The following MSI1 variants were observed in gnomAD, a reference collection of about 807,000 sequenced individuals.
MSI1 encodes the protein musashi RNA binding protein 1, also known as RNA-binding protein Musashi homolog 1.
MSI1 carries 15 observed loss-of-function variants against 54.4 expected under a neutral mutation model. The ratio of observed to expected loss-of-function variants is 0.28; its 90% CI spans 0.18 to 0.42. MSI1 has a LOEUF of 0.42. MSI1 is among the 20% of genes least tolerant of loss of function. The pLI is 1.00. For missense variants in MSI1, 304 were observed against 506.0 expected (o/e 0.60, Z 3.83); for synonymous variants, 200 against 196.5 (o/e 1.02, Z -0.15).
intron 11 of MSI1, among the ~76,000 whole-genome samples, chr12:120,348,555 C>CTT (rs34646438): frequency 0.016 from 2,379 of 148,444 alleles, 56 homozygotes; most frequent in African/African-American, 0.055. Context: ...CCAAAAATAT[C>CTT]TTTTTTTTTT....
rs1873669850 is a variant in MSI1, at chr12:120,341,529, G to A, written c.*1598C>T. 1 of 152,146 alleles carries A rather than the reference G, an allele frequency of 6.6e-6. No homozygotes were observed. The highest frequency in any genetic ancestry group is 1.5e-5 in the Non-Finnish European group (1 of 67,966). The allele number at this position is 152,146 out of a possible 1,614,324, so 9.4% of individuals were successfully genotyped here. On this transcript the variant is annotated 3_prime_UTR_variant, in exon 15 of 15. Coordinates refer to ENST00000257552, the MANE Select transcript of MSI1 (RefSeq NM_002442.4). ...GGTCCTGAGCCCATGGTTGGGCCCA[G>A]TGGGGTGGAAGGGTCCGGGAATGAG...
rs1047873772 is a variant in MSI1 at position 120,363,121 on chromosome 12, C to T, written c.324G>A (p.Thr108=). 6.8e-6 allele frequency: 11 copies of T among 1,613,904 alleles called. No homozygotes were observed. The highest frequency in any genetic ancestry group is 1.7e-5 in the Admixed American group (1 of 59,982). ...RRAQPKMVTR[T]KKIFVGGLSV... ...ACAGCCCCCCCACAAAGATCTTCTTCGTTCGAGTCACCATCTGTTAGGGGA... is the reference window on the plus strand; with the variant it reads ...ACAGCCCCCCCACAAAGATCTTCTTTGTTCGAGTCACCATCTGTTAGGGGA... Residue 108 remains threonine, a synonymous_variant, in exon 6 of 15, where the codon ACG becomes ACA. Coordinates refer to ENST00000257552, the MANE Select transcript of MSI1 (RefSeq NM_002442.4).
chr12:120,351,312 C>A lies in MSI1; in HGVS notation c.790+32G>T, dbSNP rs138604863. On this transcript the variant is annotated intron_variant, in intron 11 of 14. Transcript: ENST00000257552. ...GCCCCTTCTGTTTCTCCCCATGTGG[C>A]CTGAGAGGTATACAAAATCCGAGCG... The A allele has an allele frequency of 1.2e-5, 20 of 1,600,984 alleles. No homozygotes were observed. The African/African-American group carries it at 2.3e-4, about 18-fold the overall frequency.
intron 7 of MSI1, among the ~76,000 whole-genome samples, chr12:120,358,615 C>T (rs562618502): frequency 6.0e-4 from 91 of 152,018 alleles, no homozygotes; most frequent in African/African-American, 2.1e-3. Flanking sequence ...TCAGAGGCAA[C>T]GGGGCTGGGG....
intron 6 of MSI1, 97 bp from the exon 7 acceptor site, chr12:120,359,150 A>G: frequency 6.9e-7 from 1 of 1,451,192 alleles, no homozygotes; most frequent in Non-Finnish European, 9.5e-7. Context: ...CCTCTTGCCC[A>G]CTCCAGGCTT....
intron 5 of MSI1, among the ~76,000 whole-genome samples, chr12:120,364,362 A>G (rs1368728488): frequency 6.6e-6 from 1 of 151,946 alleles, no homozygotes; most frequent in Non-Finnish European, 1.5e-5. Flanking sequence ...CCTGTATTTC[A>G]CTTCCAGAGG....
At chr12:120,367,104 G>C (rs1876064227) in intron 4 of MSI1, among the ~76,000 whole-genome samples, 1 of 152,148 alleles carries the variant, frequency 6.6e-6, no homozygotes, top group Non-Finnish European at 1.5e-5. Context: ...GCTGGGGACA[G>C]GCGGTAATTT....
intron 11 of MSI1, among the ~76,000 whole-genome samples, chr12:120,350,275 C>T (rs1404395105): frequency 6.6e-6 from 1 of 152,180 alleles, no homozygotes; most frequent in Non-Finnish European, 1.5e-5. Flanking sequence ...GATACTCCTG[C>T]TTTGGCCTCT....
chr12:120,341,058 G>T (rs1265199558), downstream of MSI1, among the ~76,000 whole-genome samples: 1 of 151,706 alleles, frequency 6.6e-6, no homozygotes, highest in Admixed American at 6.6e-5. Context: ...GCTAATTTTT[G>T]TATTTTTAGT....
Position 120,347,458 on chromosome 12 carries a change from C to T in MSI1, c.847G>A (p.Val283Ile). Residue 283 changes from valine (V) to isoleucine (I), a missense_variant, in exon 12 of 15, where the codon GTT (valine) becomes ATT (isoleucine). Physicochemically the swap from Val to Ile is conservative, Grantham distance 29 (BLOSUM62 3). Around this residue, in one of 4 missense-constraint regions of MSI1, gnomAD observed 147 missense variants for 231.5 expected, o/e 0.64. Transcript: ENST00000257552. ...CAGAAGAGCTCACCTGTCCCTCGAACCACAGCCGCTGCCGCCGCTGCCGCC... is the reference window on the plus strand; with the variant it reads ...CAGAAGAGCTCACCTGTCCCTCGAATCACAGCCGCTGCCGCCGCTGCCGCC... ...MAAAAAAAAV[V>I]RGTGSHPWTM... The T allele has an allele frequency of 6.2e-7, 1 of 1,614,148 alleles. No homozygotes were observed. Among genetic ancestry groups the T allele is most frequent in the South Asian group, 1.1e-5 (1 of 91,088 alleles).
rs1874804333 is a variant in MSI1, at chr12:120,353,348, G to A, written c.684C>T (p.Ala228=). The change falls in exon 10 of 15, where the codon GCC becomes GCT. Residue 228 remains alanine, a synonymous_variant. Transcript: ENST00000257552. ...GGGCGAGGCCTGTATAACTCCGGCT[G>A]GCGTAGGTTGTGGCTTGGAAACCTG... The part of the protein sequence containing the change: ...GYPGFQATTY[A]SRSYTGLAPG... 2 of 1,613,976 alleles carry A rather than the reference G, an allele frequency of 1.2e-6. No individual in the cohort carries two copies. The highest frequency in any genetic ancestry group is 1.7e-6 in the Non-Finnish European group (2 of 1,180,014).
intron 14 of MSI1, among the ~76,000 whole-genome samples, chr12:120,343,982 G>A (rs937462848): frequency 7.9e-5 from 12 of 152,158 alleles, no homozygotes; most frequent in African/African-American, 2.9e-4. Flanking sequence ...TCAGCCTCCC[G>A]AGTAGCTGAG....
intron 10 of MSI1, 75 bp downstream of exon 10, chr12:120,353,224 A>C (rs1215790939): frequency 9.7e-6 from 14 of 1,442,372 alleles, no homozygotes; most frequent in Non-Finnish European, 8.8e-6. Context: ...GCACCCCTAG[A>C]CACCACCCTG....
rs904462383 is a variant in MSI1 at position 120,346,953 on chromosome 12, T to G, written c.859+493A>C. Among the ~76,000 whole-genome samples, 14 of 152,100 alleles carry G rather than the reference T, an allele frequency of 9.2e-5. No homozygotes were observed. The East Asian group carries it at 1.4e-3, about 15-fold the overall frequency. On this transcript the variant is annotated intron_variant, in intron 12 of 14. Transcript: ENST00000257552. ...GGCAGAGACCCTGTCAGTCTTTTTT[T>G]TTTTTCTTTTGAGACAGACGGAGTC...
At chr12:120,353,247 G>T (rs1311804534) in intron 10 of MSI1, 52 bp downstream of exon 10, 2 of 1,570,634 alleles carry the variant, frequency 1.3e-6, no homozygotes, top group East Asian at 2.2e-5. Context: ...AAGTCAGACT[G>T]CCCGGGAACC....
downstream of MSI1, among the ~76,000 whole-genome samples, chr12:120,340,110 A>G (rs1873618568): frequency 6.9e-6 from 1 of 145,162 alleles, no homozygotes; most frequent in Non-Finnish European, 1.5e-5. Context: ...TTTCTTTGAG[A>G]CAGTCTCACT....
intron 12 of MSI1, among the ~76,000 whole-genome samples, chr12:120,346,643 C>T (rs1158370634): frequency 6.6e-6 from 1 of 152,164 alleles, no homozygotes; most frequent in Admixed American, 6.5e-5. Flanking sequence ...ACCACCCGGG[C>T]TCCTCCTGCC....
Position 120,368,217 on chromosome 12 carries a change from G to T in MSI1, c.157C>A (p.Arg53=). The T allele has an allele frequency of 6.3e-7, 1 of 1,588,042 alleles. No homozygotes were observed. The highest frequency in any genetic ancestry group is 8.6e-7 in the Non-Finnish European group (1 of 1,166,802). The change falls in exon 3 of 15, where the codon CGG becomes AGG. Residue 53 remains arginine (R), a synonymous_variant. Transcript: ENST00000257552. The surrounding 1 kb of genome is among the most constrained non-coding windows in gnomAD (Gnocchi z 6.6). ...CTGGATCTCTTGGTCAGGGGGTCCC[G>T]CATCACCAGACACTCCTTCACCTCC... is the stretch of plus-strand genomic sequence containing the variant. ...FGEVKECLVM[R]DPLTKRSRGF...
At chr12:120,365,100 G>A (rs182124113) in intron 4 of MSI1, among the ~76,000 whole-genome samples, 3 of 152,094 alleles carry the variant, frequency 2.0e-5, no homozygotes, top group Admixed American at 1.3e-4. Context: ...TAGTAGAGAC[G>A]GGGTTTCACC....
Sources: gnomAD v4.1 joint callset for allele counts (sites outside exome capture counted in the v4.1 genomes callset) on GRCh38, gnomAD v4.1.1 for gene constraint, gnomAD v4.1.1 regional missense constraint, Gnocchi (gnomAD v3.1) non-coding constraint, MANE v1.5 for transcripts, NCBI Gene and HGNC (gene_info 2026-07-23, HGNC 2026-07-21) for gene names.